DCHS1: variants seen among roughly 807,000 people sequenced by gnomAD.
DCHS1 encodes the protein protocadherin-16.
DCHS1 carries 78 observed loss-of-function variants against 213.9 expected under a neutral mutation model. The ratio of observed to expected loss-of-function variants is 0.36; its 90% CI spans 0.30 to 0.44. The LOEUF (loss-of-function observed/expected upper bound fraction) is 0.44. Ranked by LOEUF, DCHS1 falls within the 20% of genes least tolerant of loss-of-function variation. DCHS1 has a pLI of 1.00. For synonymous variants in DCHS1, 1,828 were observed against 1,873.7 expected (o/e 0.98, Z 0.63); for missense variants, 3,946 against 4,395.9 (o/e 0.90, Z 2.89).
Position 6,622,448 on chromosome 11 carries a change from C to A in DCHS1, c.9228G>T (p.Leu3076=). 6.4e-7 allele frequency: 1 copy of A among 1,560,848 alleles called. No homozygotes were observed. The highest frequency in any genetic ancestry group is 2.4e-5 in the East Asian group (1 of 42,114). ...CAGGTGGTTCGCAGGATGTGTCACT[C>A]AGACCATCTGCATCCTGCTGGATGC... The part of the protein sequence containing the change: ...DSGIQQDADG[L]SDTSCEPPAP... The change falls in exon 21 of 21, where the codon CTG becomes CTT. Residue 3076 remains leucine (L), a synonymous_variant. Transcript: ENST00000299441. The surrounding 1 kb of genome is among the most constrained non-coding windows in gnomAD (Gnocchi z 5.4).
At position 6,625,881 on chromosome 11, in the gene DCHS1, C is replaced by A; in HGVS notation, c.6731+39G>T. The stretch of plus-strand genomic sequence containing the variant: ...AAGGCAGGGCTTGAAACTGGACAGG[C>A]CCAAGATGGGGTCTTGGGTCCACAG... On this transcript the variant is annotated intron_variant, in intron 17 of 20. Coordinates refer to ENST00000299441, the MANE Select transcript of DCHS1 (RefSeq NM_003737.4). This position sits in a 1 kb window ranked among gnomAD's most constrained non-coding sequence, Gnocchi z 5.3. 1 of 1,605,828 alleles carries A rather than the reference C, an allele frequency of 6.2e-7. No individual in the cohort carries two copies. Among genetic ancestry groups the A allele is most frequent in the Admixed American group, 1.7e-5 (1 of 58,864 alleles).
intron 20 of DCHS1, 45 bp downstream of exon 20, chr11:6,624,685 C>A: frequency 1.2e-6 from 2 of 1,612,390 alleles, no homozygotes; most frequent in Non-Finnish European, 8.5e-7. Flanking sequence ...CAGATTACAG[C>A]CCAACACAGT....
In DCHS1 at chr11:6,634,266, A is replaced by C; in HGVS notation, c.1838T>G (p.Leu613Arg). ...AAGTCCAGCACCCAAGGAATAGGAG[A>C]GGAGGCCAAATGGGCCACTATCCGC... Reference protein sequence around the residue: ...TDADSGPFGLLSYSLGAGLGS... With the variant: ...TDADSGPFGLRSYSLGAGLGS... The change falls in exon 3 of 21, where the codon CTC becomes CGC. Residue 613 changes from leucine (L) to arginine (R), a missense_variant. Leu to Arg is a moderately radical substitution (Grantham distance 102). This residue lies in a region of DCHS1 where 3,384 missense variants were observed against 3,780.1 expected (regional missense o/e 0.90). Transcript: ENST00000299441. 6.2e-7 allele frequency: 1 copy of C among 1,612,040 alleles called. No homozygotes were observed. Among genetic ancestry groups the C allele is most frequent in the East Asian group, 2.2e-5 (1 of 44,848 alleles).
chr11:6,640,876 C>T lies in DCHS1; in HGVS notation c.738G>A (p.Leu246=), dbSNP rs139189164. ...RAQALLDVTL[L]DINDHAPAFN... is the part of the protein sequence containing the mutation. Reference sequence around the variant, plus strand: ...AAGCCGGGGCATGGTCATTGATGTCCAGCAGTGTCACGTCCAGCAGGGCCT... The same window carrying T: ...AAGCCGGGGCATGGTCATTGATGTCTAGCAGTGTCACGTCCAGCAGGGCCT... The change falls in exon 2 of 21, where the codon CTG becomes CTA. Residue 246 remains leucine (L), a synonymous_variant. Coordinates refer to ENST00000299441, the MANE Select transcript of DCHS1 (RefSeq NM_003737.4). The surrounding 1 kb of genome is among the most constrained non-coding windows in gnomAD (Gnocchi z 6.5). 8.1e-6 allele frequency: 13 copies of T among 1,613,916 alleles called. No homozygotes were observed. The African/African-American group carries it at 1.6e-4, about 20-fold the overall frequency.
chr11:6,624,823 C>T lies in DCHS1; in HGVS notation c.7192G>A (p.Val2398Ile), dbSNP rs145939548. 1.7e-5 allele frequency: 28 copies of T among 1,613,872 alleles called. No homozygotes were observed. The South Asian group carries it at 2.2e-4, about 13-fold the overall frequency. ...HTPPGSAILS[V>I]SATDRDSGAN... Reference sequence around the variant, plus strand: ...CCTGAGTCCCGATCAGTGGCAGAGACGGAGAGAATGGCACTGCCTGGGGGT... The same window carrying T: ...CCTGAGTCCCGATCAGTGGCAGAGATGGAGAGAATGGCACTGCCTGGGGGT... Residue 2398 changes from valine to isoleucine, a missense_variant, in exon 20 of 21, where the codon GTC (valine) becomes ATC (isoleucine). Physicochemically the swap from Val to Ile is conservative, Grantham distance 29 (BLOSUM62 3). Transcript: ENST00000299441.
rs774393530 is a variant in DCHS1, at chr11:6,632,601, G to A, written c.2911C>T (p.Arg971Trp). The A allele has an allele frequency of 9.9e-6, 15 of 1,520,400 alleles. No individual in the cohort carries two copies. The highest frequency in any genetic ancestry group is 1.3e-5 in the Non-Finnish European group (15 of 1,129,588). 94.2% of individuals were successfully genotyped at this position (1,520,400 alleles called of 1,614,324 possible). A position where few individuals can be genotyped will look rare whatever the true frequency, so the allele number is the denominator to read the frequency against. Residue 971 changes from arginine to tryptophan, a missense_variant, in exon 6 of 21, where the codon CGG becomes TGG. Transcript: ENST00000299441. This position sits in a 1 kb window ranked among gnomAD's most constrained non-coding sequence, Gnocchi z 5.9. ...GTGCGTGGTGGGGAGCCCCCATCCC[G>A]GGCCTCCAGCTCCAGCTCATGGGCT... Reference protein sequence around the residue: ...GPAHELELEARDGGSPPRTSH... With the variant: ...GPAHELELEAWDGGSPPRTSH...
chr11:6,622,570 C>T lies in DCHS1; in HGVS notation c.9106G>A (p.Ala3036Thr), dbSNP rs760992622. The change falls in exon 21 of 21, where the codon GCA becomes ACA. Residue 3036 changes from alanine to threonine, a missense_variant. By Grantham distance (58) the Ala-to-Thr change is moderately conservative (BLOSUM62 0). This residue lies in a region of DCHS1 where 554 missense variants were observed against 590.2 expected (regional missense o/e 0.94). Transcript: ENST00000299441. The surrounding 1 kb of genome is among the most constrained non-coding windows in gnomAD (Gnocchi z 5.4). ...ATCTCATCATCCTCTGCAGCCTCTG[C>T]TGATCCTCGGCCACTTGAATGTGAA... ...DPSHSSGRGS[A>T]EAAEDDEIRM... 1.3e-6 allele frequency: 2 copies of T among 1,580,502 alleles called. No individual in the cohort carries two copies. Among genetic ancestry groups the T allele is most frequent in the Non-Finnish European group, 1.7e-6 (2 of 1,163,930 alleles).
At chr11:6,624,625 C>A in intron 20 of DCHS1, 105 bp downstream of exon 20, 1 of 1,530,246 alleles carries the variant, frequency 6.5e-7, no homozygotes. Flanking sequence ...CTCCCTAGGC[C>A]AGAGATCCAG....
In DCHS1 at chr11:6,627,741, G is replaced by C; in HGVS notation, c.5372-74C>G. 1 of 1,475,582 alleles carries C rather than the reference G, an allele frequency of 6.8e-7. No homozygotes were observed. The highest frequency in any genetic ancestry group is 1.3e-5 in the South Asian group (1 of 77,086). The allele number at this position is 1,475,582 out of a possible 1,614,324, so 91.4% of individuals were successfully genotyped here. ...GGGGTGATTTACAGACAACAGGAGA[G>C]AGTGAGCATGTGCACAAAAGCAAGT... On this transcript the variant is annotated intron_variant, in intron 13 of 20. Transcript: ENST00000299441. This position sits in a 1 kb window ranked among gnomAD's most constrained non-coding sequence, Gnocchi z 5.4.
At position 6,621,897 on chromosome 11, in the gene DCHS1, G is replaced by A. The variant is rs1417976115; in HGVS notation, c.9779C>T (p.Pro3260Leu). The change falls in exon 21 of 21, where the codon CCT (proline) becomes CTT (leucine). Residue 3260 changes from proline to leucine, a missense_variant. By Grantham distance (98) the Pro-to-Leu change is moderately conservative (BLOSUM62 -3). Transcript: ENST00000299441. ...GACAACGGGTGAGCGAGCAGCCAGA[G>A]GAGACAGAGAGGGTGAGAAGCTGGG... ...MSPSFSPSLS[P>L]LAARSPVVSP... 1.2e-6 allele frequency: 2 copies of A among 1,613,030 alleles called. No individual in the cohort carries two copies. The highest frequency in any genetic ancestry group is 4.5e-5 in the East Asian group (2 of 44,870).
chr11:6,622,095 G>T lies in DCHS1; in HGVS notation c.9581C>A (p.Pro3194His). 6.2e-7 allele frequency: 1 copy of T among 1,613,234 alleles called. No individual in the cohort carries two copies. Among genetic ancestry groups the T allele is most frequent in the Admixed American group, 1.7e-5 (1 of 60,014 alleles). ...ARLKDEARPCPPAPRIDPPPL... is the reference protein window; with the variant it reads ...ARLKDEARPCHPAPRIDPPPL... ...TGGTGGGTCGATACGGGGAGCTGGG[G>T]GACATGGCCGAGCTTCATCCTTGAG... Residue 3194 changes from proline to histidine, a missense_variant, in exon 21 of 21, where the codon CCC (proline) becomes CAC (histidine). Pro to His is a moderately conservative substitution (Grantham distance 77, BLOSUM62 -2). Coordinates refer to ENST00000299441, the MANE Select transcript of DCHS1 (RefSeq NM_003737.4). This position sits in a 1 kb window ranked among gnomAD's most constrained non-coding sequence, Gnocchi z 5.4.
chr11:6,631,929 C>G (rs752091084), intron 6 of DCHS1, 102 bp downstream of exon 6: 1 of 1,447,824 alleles, frequency 6.9e-7, no homozygotes, highest in Non-Finnish European at 9.1e-7. Flanking sequence ...AATCCTCATT[C>G]TCAGGGGCGA....
rs764180587 is a variant in DCHS1 at position 6,633,139 on chromosome 11, C to T, written c.2456-83G>A. ...ACCCAGAGTCTGATCCCGAGAAGGA[C>T]TGGGCAGTGCCCACACCCATGCCTT... On this transcript the variant is annotated intron_variant, in intron 5 of 20. Coordinates refer to ENST00000299441, the MANE Select transcript of DCHS1 (RefSeq NM_003737.4). The T allele has an allele frequency of 4.7e-6, 7 of 1,476,654 alleles. No homozygotes were observed. The Admixed American group carries it at 1.0e-4, about 22-fold the overall frequency. 91.5% of individuals were successfully genotyped at this position (1,476,654 alleles called of 1,614,324 possible). A position where few individuals can be genotyped will look rare whatever the true frequency, so the allele number is the denominator to read the frequency against.
At chr11:6,637,925 G>T (rs1282187219) in intron 2 of DCHS1, among the ~76,000 whole-genome samples, 1 of 152,062 alleles carries the variant, frequency 6.6e-6, no homozygotes, top group Non-Finnish European at 1.5e-5. Flanking sequence ...AAGACTTCTT[G>T]TGACAGTTGT....
chr11:6,623,659 G>A lies in DCHS1; in HGVS notation c.8017C>T (p.His2673Tyr). 1 of 1,613,856 alleles carries A rather than the reference G, an allele frequency of 6.2e-7. No homozygotes were observed. The highest frequency in any genetic ancestry group is 8.5e-7 in the Non-Finnish European group (1 of 1,179,892). ...TCAGCAGCCTGTACTACAAGCTGAT[G>A]TCGAGCCTGGGTCTCACAGTCCAGG... ...HALDCETQARHQLVVQAADPA... is the reference protein window; with the variant it reads ...HALDCETQARYQLVVQAADPA... Residue 2673 changes from histidine to tyrosine, a missense_variant, in exon 21 of 21, where the codon CAT (histidine) becomes TAT (tyrosine). Coordinates refer to ENST00000299441, the MANE Select transcript of DCHS1 (RefSeq NM_003737.4).
intron 1 of DCHS1, among the ~76,000 whole-genome samples, chr11:6,642,565 G>A (rs983094775): frequency 2.8e-5 from 4 of 143,504 alleles, no homozygotes; most frequent in African/African-American, 1.0e-4. Context: ...CATTCTAGAA[G>A]AGTGAACAGT....
Position 6,629,539 on chromosome 11 carries a change from C to G in DCHS1, c.5074G>C (p.Glu1692Gln), listed in dbSNP as rs749093243. ...GTGTCAGGATCCAGAGAAAAGCTTT[C>G]GCTAGAGACGCCTCCATAAGTCACT... ...GQVTYGGVSS[E>Q]SFSLDPDTGV... The change falls in exon 12 of 21, where the codon GAA becomes CAA. Residue 1692 changes from glutamate to glutamine, a missense_variant. By Grantham distance (29) the Glu-to-Gln change is conservative. This residue lies in a region of DCHS1 where 3,384 missense variants were observed against 3,780.1 expected (regional missense o/e 0.90). Transcript: ENST00000299441. 2.5e-6 allele frequency: 4 copies of G among 1,613,526 alleles called. No homozygotes were observed. Among genetic ancestry groups the G allele is most frequent in the South Asian group, 1.1e-5 (1 of 90,948 alleles).
intron 20 of DCHS1, 65 bp from the exon 21 acceptor site, chr11:6,624,455 C>T (rs1855760797): frequency 1.2e-5 from 17 of 1,464,794 alleles, no homozygotes; most frequent in South Asian, 4.1e-5. Flanking sequence ...AGAAGAGTGA[C>T]CCTTCAGGAT....
rs1191040352 is a variant in DCHS1, at chr11:6,622,619, G to A, written c.9057C>T (p.Tyr3019=). ...SYGGPGAGGP[Y]PRGGSLDPSH... is the part of the protein sequence containing the mutation. ...AAGGGTCCAAGGAGCCACCACGGGG[G>A]TAGGGTCCTCCAGCTCCTGGCCCAC... Residue 3019 remains tyrosine, a synonymous_variant, in exon 21 of 21, where the codon TAC becomes TAT. Transcript: ENST00000299441. This position sits in a 1 kb window ranked among gnomAD's most constrained non-coding sequence, Gnocchi z 5.4. The A allele has an allele frequency of 3.2e-6, 5 of 1,584,142 alleles. No individual in the cohort carries two copies. The highest frequency in any genetic ancestry group is 4.3e-6 in the Non-Finnish European group (5 of 1,165,588).
Sources: allele counts gnomAD v4.1 joint callset (sites outside exome capture counted in the v4.1 genomes callset), GRCh38; gene constraint gnomAD v4.1.1; regional missense constraint gnomAD v4.1.1; non-coding constraint Gnocchi (gnomAD v3.1); transcripts MANE v1.5; gene names NCBI Gene and HGNC (gene_info 2026-07-23, HGNC 2026-07-21).